The following ADSL variants were observed in gnomAD, a reference collection of about 807,000 sequenced individuals.
The protein encoded by ADSL is adenylosuccinate lyase.
A neutral mutation model predicts 62.1 loss-of-function variants in ADSL; 44 were observed. The observed-to-expected ratio is 0.71, with a 90% CI of 0.56 to 0.91. The LOEUF (loss-of-function observed/expected upper bound fraction) is 0.91, where lower values mean the gene tolerates loss of function less well. Ranked by LOEUF, ADSL falls within the 40% of genes least tolerant of loss-of-function variation. The probability of loss-of-function intolerance (pLI) is 0.00; values close to 1 mark genes in which losing one functional copy is unlikely to be tolerated. For missense variants in ADSL, 531 were observed against 627.4 expected, an observed-to-expected ratio of 0.85 and a Z score of 1.64; for synonymous variants, 198 against 220.5, an observed-to-expected ratio of 0.90 and a Z score of 0.90.
At chr22:40,364,687 T>C in intron 11 of ADSL, 193 bp from the exon 12 acceptor site, 1 of 664,968 alleles carries the variant, frequency 1.5e-6, no homozygotes, top group South Asian at 1.8e-5. Flanking sequence ...GGGCATCCAT[T>C]TCAGGCTTGT....
chr22:40,353,530 C>T (rs779865066), intron 3 of ADSL: 46 of 629,788 alleles, frequency 7.3e-5, no homozygotes, highest in African/African-American at 3.5e-4. Flanking sequence ...GGGATCCACC[C>T]GTCTTGGCCT....
intron 2 of ADSL, chr22:40,376,544 C>T (rs568963567): frequency 1.3e-5 from 2 of 152,252 alleles, no homozygotes; most frequent in African/African-American, 2.4e-5. Context: ...TAGTGCTACT[C>T]ATAGTAATAG....
intron 3 of ADSL, chr22:40,353,351 G>T (rs542981397): frequency 2.0e-5 from 14 of 702,788 alleles, no homozygotes; most frequent in Non-Finnish European, 3.6e-5. Context: ...TCTGTCAAGG[G>T]GCGTGATCAA....
At chr22:40,348,422 C>A in intron 1 of ADSL, 2 of 398,320 alleles carry the variant, frequency 5.0e-6, no homozygotes, top group South Asian at 2.6e-4. Context: ...CTGGCTCTGT[C>A]GCCTAGGCTG....
intron 2 of ADSL, chr22:40,376,264 G>A (rs192519424): frequency 1.5e-5 from 2 of 137,832 alleles, no homozygotes; most frequent in East Asian, 2.1e-4. Flanking sequence ...TTCAACTTAC[G>A]GCTCTGCTGC....
chr22:40,350,041 C>G lies in ADSL; in HGVS notation c.357+6C>G. 1 of 1,612,396 alleles carries G rather than the reference C, an allele frequency of 6.2e-7. No homozygotes were observed. Among genetic ancestry groups the G allele is most frequent in the Non-Finnish European group, 8.5e-7 (1 of 1,178,536 alleles). Reference sequence around the variant, plus strand: ...GCTATGTTGGAGACAATACTGTAGGCGCCTGTGTTGTTTATACTTAAAACT... The same window carrying G: ...GCTATGTTGGAGACAATACTGTAGGGGCCTGTGTTGTTTATACTTAAAACT... On this transcript the variant is annotated splice_donor_region_variant and intron_variant, in intron 2 of 12. Transcript: ENST00000623063.
At chr22:40,383,292 C>T (rs2047876227) in intron 2 of ADSL, among the ~76,000 whole-genome samples, 1 of 151,916 alleles carries the variant, frequency 6.6e-6, no homozygotes, top group Admixed American at 6.6e-5. Flanking sequence ...ACGGTGAAAC[C>T]CCATCTCTAC....
chr22:40,362,736 G>A (rs547317945), intron 9 of ADSL, among the ~76,000 whole-genome samples: 1 of 152,232 alleles, frequency 6.6e-6, no homozygotes, highest in South Asian at 2.1e-4. Flanking sequence ...GTTCAGTTTG[G>A]GGATTGAGGT....
chr22:40,364,260 G>A lies in ADSL; in HGVS notation c.1102-16G>A, dbSNP rs200428249. ...GAGGCACCTTTCTTGGTCATTCACC[G>A]TATCTTTTCCTATAGGTAATTGAAC... On this transcript the variant is annotated splice_polypyrimidine_tract_variant and intron_variant, in intron 10 of 12. Coordinates refer to ENST00000623063, the MANE Select transcript of ADSL (RefSeq NM_000026.4). 4.4e-5 allele frequency: 71 copies of A among 1,611,326 alleles called. No homozygotes were observed. In the East Asian group the frequency reaches 4.5e-4, roughly 10 times the overall value.
chr22:40,360,456 G>C lies in ADSL; in HGVS notation c.756G>C (p.Leu252=). The part of the protein sequence containing the change: ...TYTRKVDIEV[L]SVLASLGASV... ...CACGAAAAGTGGATATTGAAGTACT[G>C]TCTGTGCTGGCTAGCTTGGGGGCAT... Residue 252 remains leucine (L), a synonymous_variant, in exon 7 of 13, where the codon CTG becomes CTC. Transcript: ENST00000623063. The C allele has an allele frequency of 1.2e-6, 2 of 1,614,118 alleles. No individual in the cohort carries two copies. Among genetic ancestry groups the C allele is most frequent in the Middle Eastern group, 1.7e-4 (1 of 6,040 alleles).
At chr22:40,359,390 T>G in intron 6 of ADSL, 84 bp downstream of exon 6, 1 of 1,458,510 alleles carries the variant, frequency 6.9e-7, no homozygotes, top group Non-Finnish European at 9.6e-7. Flanking sequence ...GACCTTACAA[T>G]TTTTGCCTTT....
intron 7 of ADSL, among the ~76,000 whole-genome samples, chr22:40,360,853 G>A (rs568669200): frequency 6.6e-6 from 1 of 151,972 alleles, no homozygotes; most frequent in East Asian, 1.9e-4. Flanking sequence ...GGGATTACAG[G>A]CATGCACCAC....
chr22:40,355,644 A>C (rs1004797827), intron 4 of ADSL, among the ~76,000 whole-genome samples: 2 of 152,034 alleles, frequency 1.3e-5, no homozygotes, highest in African/African-American at 4.8e-5. Flanking sequence ...GGTAATTTCT[A>C]CTTTTTGGCT....
At chr22:40,359,156 G>C in intron 5 of ADSL, 104 bp from the exon 6 acceptor site, 7 of 1,582,498 alleles carry the variant, frequency 4.4e-6, no homozygotes, top group Non-Finnish European at 6.1e-6. Flanking sequence ...CGACTAGAAG[G>C]AAGTTGTGGG....
chr22:40,359,094 G>A, intron 5 of ADSL, 59 bp downstream of exon 5: 1 of 1,607,346 alleles, frequency 6.2e-7, no homozygotes, highest in Non-Finnish European at 8.5e-7. Flanking sequence ...AAGAGACAAG[G>A]CTGCCTTTGA....
chr22:40,366,368 T>C (rs2146678046), intron 12 of ADSL, 68 bp from the exon 13 acceptor site: 2 of 1,171,920 alleles, frequency 1.7e-6, no homozygotes, highest in East Asian at 2.4e-5. Flanking sequence ...TCCCCTGACA[T>C]TGGAAAAGGT....
chr22:40,347,118 C>T (rs1032180353), intron 1 of ADSL, among the ~76,000 whole-genome samples: 2 of 152,180 alleles, frequency 1.3e-5, no homozygotes, highest in Non-Finnish European at 2.9e-5. Flanking sequence ...GTGTTTTTCC[C>T]ACATTGCAGG....
At chr22:40,363,678 G>A (rs952968366) in intron 10 of ADSL, among the ~76,000 whole-genome samples, 2 of 151,202 alleles carry the variant, frequency 1.3e-5, no homozygotes, top group Non-Finnish European at 2.9e-5. Flanking sequence ...GGAAGTTGCG[G>A]TGAGCCGAGA....
chr22:40,360,534 G>A (rs1420433095), intron 7 of ADSL, 42 bp downstream of exon 7: 1 of 1,414,322 alleles, frequency 7.1e-7, no homozygotes, highest in Non-Finnish European at 1.0e-6. Context: ...GGAGCTTTGG[G>A]CACCACAGAC....
Sources: allele counts gnomAD v4.1 joint callset (sites outside exome capture counted in the v4.1 genomes callset), GRCh38; gene constraint gnomAD v4.1.1; transcripts MANE v1.5; gene names NCBI Gene and HGNC (gene_info 2026-07-23, HGNC 2026-07-21).